Variants in PREX1 observed in about 807,000 individuals in gnomAD.
The protein encoded by PREX1 is phosphatidylinositol 3,4,5-trisphosphate-dependent Rac exchanger 1 protein.
A neutral mutation model predicts 198.3 loss-of-function variants in PREX1; 41 were observed. The observed-to-expected ratio is 0.21, with a 90% CI of 0.16 to 0.27. The LOEUF (loss-of-function observed/expected upper bound fraction) is 0.27, where lower values mean the gene tolerates loss of function less well. Ranked by LOEUF, PREX1 falls within the 10% of genes least tolerant of loss-of-function variation. PREX1 has a pLI of 1.00. For missense variants in PREX1, 1,620 were observed against 2,200.7 expected (o/e 0.74, Z 5.28); for synonymous variants, 843 against 887.2 (o/e 0.95, Z 0.89).
rs546778735 is a variant in PREX1, at chr20:48,796,538, G to A, written c.219+31104C>T. Among the ~76,000 whole-genome samples, 6 of 152,040 alleles carry A rather than the reference G, an allele frequency of 3.9e-5. No homozygotes were observed. The South Asian group carries it at 1.2e-3, about 32-fold the overall frequency. ...GCTGCCTCTGGGGAGGGAACTTGGA[G>A]GCTAACATTTCATTCTATCTCACTG... is the stretch of plus-strand genomic sequence containing the variant. On this transcript the variant is annotated intron_variant, in intron 1 of 39. Transcript: ENST00000371941.
chr20:48,688,876 G>A, intron 9 of PREX1, 72 bp from the exon 10 acceptor site: 1 of 1,580,484 alleles, frequency 6.3e-7, no homozygotes, highest in South Asian at 1.1e-5. Context: ...GAGACAAGGG[G>A]CAGGCCCACA....
At chr20:48,638,184 A>G (rs921235400) in intron 30 of PREX1, among the ~76,000 whole-genome samples, 4 of 152,206 alleles carry the variant, frequency 2.6e-5, no homozygotes, top group Non-Finnish European at 4.4e-5. Context: ...GTAGACTCAC[A>G]TATGTACACA....
chr20:48,693,892 G>A (rs952483185), intron 7 of PREX1, among the ~76,000 whole-genome samples: 2 of 149,998 alleles, frequency 1.3e-5, no homozygotes, highest in Non-Finnish European at 3.0e-5. Flanking sequence ...ACAGGTGTGA[G>A]CCACCGTGCC....
chr20:48,672,668 A>C (rs1223342557), intron 14 of PREX1, among the ~76,000 whole-genome samples: 1 of 152,198 alleles, frequency 6.6e-6, no homozygotes, highest in East Asian at 1.9e-4. Flanking sequence ...CGCTCTGCCT[A>C]AGAGCCTCTG....
At chr20:48,812,849 G>C (rs2090442487) in intron 1 of PREX1, among the ~76,000 whole-genome samples, 1 of 152,228 alleles carries the variant, frequency 6.6e-6, no homozygotes, top group African/African-American at 2.4e-5. Flanking sequence ...GCATTTAGCA[G>C]TGACACGAGG....
chr20:48,708,664 AG>A (rs1037292756), intron 5 of PREX1, among the ~76,000 whole-genome samples: 22 of 152,318 alleles, frequency 1.4e-4, no homozygotes, highest in Admixed American at 5.2e-4. Context: ...CAAGGAGGTC[AG>A]GGGAGGCCTC....
Position 48,634,727 on chromosome 20 carries a change from G to C in PREX1, c.4216C>G (p.Leu1406Val). Residue 1406 changes from leucine (L) to valine (V), a missense_variant, in exon 33 of 40, where the codon CTG becomes GTG. By Grantham distance (32) the Leu-to-Val change is conservative (BLOSUM62 1). Transcript: ENST00000371941. ...TTAAAGGAGAAGGTGACATTGTCCA[G>C]CTCTGACAGCGTCACCCAGATGTCC... ...LEDIWVTLSELDNVTFSFKQL... is the reference protein window; with the variant it reads ...LEDIWVTLSEVDNVTFSFKQL... 6.2e-7 allele frequency: 1 copy of C among 1,614,210 alleles called. No homozygotes were observed. Among genetic ancestry groups the C allele is most frequent in the Non-Finnish European group, 8.5e-7 (1 of 1,180,038 alleles).
At chr20:48,702,364 A>G (rs2089879806) in intron 6 of PREX1, among the ~76,000 whole-genome samples, 1 of 152,190 alleles carries the variant, frequency 6.6e-6, no homozygotes, top group Non-Finnish European at 1.5e-5. Flanking sequence ...AGAAGAAAAG[A>G]GACCTTGGTG....
intron 3 of PREX1, among the ~76,000 whole-genome samples, chr20:48,739,092 C>G (rs1358340172): frequency 6.6e-6 from 1 of 152,206 alleles, no homozygotes; most frequent in African/African-American, 2.4e-5. Context: ...ACGCAAAGCC[C>G]TACAGGATCT....
chr20:48,840,554 A>G, the PREX1 span, among the ~76,000 whole-genome samples: 2 of 152,186 alleles, frequency 1.3e-5, no homozygotes, highest in Non-Finnish European at 2.9e-5. Context: ...GACCAAAGCA[A>G]TGGCAGAGAC....
chr20:48,835,063 G>A, the PREX1 span, among the ~76,000 whole-genome samples: 1 of 152,198 alleles, frequency 6.6e-6, no homozygotes, highest in Non-Finnish European at 1.5e-5. Flanking sequence ...CCCTGAGCTG[G>A]AAGTTTTATA....
the PREX1 span, among the ~76,000 whole-genome samples, chr20:48,839,937 T>C: frequency 1.3e-5 from 2 of 152,366 alleles, no homozygotes; most frequent in African/African-American, 4.8e-5. Context: ...CCTTGGATTA[T>C]TATGAGCCAT....
At position 48,780,333 on chromosome 20, in the gene PREX1, AG is replaced by A. The variant is rs547083327; in HGVS notation, c.220-32454del. The stretch of plus-strand genomic sequence containing the variant: ...TTCAACTAGTAAAGAAATGCTCAAA[AG>A]AGACCAGGTGCAGTGGCTCACACCT... On this transcript the variant is annotated intron_variant, in intron 1 of 39. Coordinates refer to ENST00000371941, the MANE Select transcript of PREX1 (RefSeq NM_020820.4). Among the ~76,000 whole-genome samples, 15 of 152,314 alleles carry A rather than the reference AG, an allele frequency of 9.8e-5. No individual in the cohort carries two copies. The South Asian group carries it at 3.1e-3, about 32-fold the overall frequency.
At chr20:48,649,229 A>C in intron 25 of PREX1, 71 bp downstream of exon 25, 1 of 1,557,382 alleles carries the variant, frequency 6.4e-7, no homozygotes, top group Non-Finnish European at 8.7e-7. Flanking sequence ...GATGCTACCC[A>C]CAATGTCAGT....
At chr20:48,704,756 G>A (rs1364944719) in intron 6 of PREX1, among the ~76,000 whole-genome samples, 3 of 152,138 alleles carry the variant, frequency 2.0e-5, no homozygotes, top group African/African-American at 4.8e-5. Context: ...GGGTTTCACC[G>A]TGTTGGCCAG....
At chr20:48,676,403 G>A in intron 13 of PREX1, 135 bp from the exon 14 acceptor site, 1 of 783,182 alleles carries the variant, frequency 1.3e-6, no homozygotes, top group Non-Finnish European at 2.2e-6. Flanking sequence ...AGGGGTCCGA[G>A]TCTCAGCCCA....
the PREX1 span, among the ~76,000 whole-genome samples, chr20:48,835,400 G>C: frequency 6.6e-6 from 1 of 152,182 alleles, no homozygotes; most frequent in South Asian, 2.1e-4. Context: ...AATAAATAAA[G>C]ACCCCCAATA....
chr20:48,764,524 T>C (rs1202751945), intron 1 of PREX1, among the ~76,000 whole-genome samples: 1 of 152,092 alleles, frequency 6.6e-6, no homozygotes, highest in Non-Finnish European at 1.5e-5. Flanking sequence ...GGCTGAAGCC[T>C]ATAATCCCAG....
intron 15 of PREX1, among the ~76,000 whole-genome samples, chr20:48,662,339 G>A (rs2089603312): frequency 6.6e-6 from 1 of 152,218 alleles, no homozygotes; most frequent in East Asian, 1.9e-4. Flanking sequence ...AATCCCTCAA[G>A]TCCACGAGCT....
Sources: gnomAD v4.1 joint callset for allele counts (sites outside exome capture counted in the v4.1 genomes callset) on GRCh38, gnomAD v4.1.1 for gene constraint, MANE v1.5 for transcripts, NCBI Gene and HGNC (gene_info 2026-07-23, HGNC 2026-07-21) for gene names.